Variants in CERS3 observed in about 807,000 individuals in gnomAD.
CERS3 encodes the protein LAG1 homolog, ceramide synthase 3.
Under a neutral mutation model 50.3 loss-of-function variants are expected in CERS3, and 33 were observed. The observed-to-expected ratio is 0.66, with a 90% confidence interval of 0.50 to 0.88. The LOEUF (loss-of-function observed/expected upper bound fraction) is 0.88. Ranked by LOEUF, CERS3 falls within the 40% of genes least tolerant of loss-of-function variation. The pLI, the probability that CERS3 is intolerant of heterozygous loss-of-function variation, is 0.00. For synonymous variants in CERS3, 176 were observed against 155.2 expected (o/e 1.13, Z -0.99); for missense variants, 470 against 460.3 (o/e 1.02, Z -0.19).
intron 11 of CERS3, among the ~76,000 whole-genome samples, chr15:100,417,835 C>A (rs924865641): frequency 5.3e-5 from 8 of 151,836 alleles, no homozygotes; most frequent in South Asian, 2.1e-4. Context: ...ACACCTCACA[C>A]AGCAGGGTAT....
At chr15:100,432,835 C>G (rs1023261751) in intron 11 of CERS3, among the ~76,000 whole-genome samples, 1 of 152,188 alleles carries the variant, frequency 6.6e-6, no homozygotes, top group Non-Finnish European at 1.5e-5. Flanking sequence ...GGCTTGATGA[C>G]TGGTATCTGA....
At chr15:100,447,406 T>C (rs1219665618) in intron 11 of CERS3, among the ~76,000 whole-genome samples, 1 of 152,214 alleles carries the variant, frequency 6.6e-6, no homozygotes, top group Non-Finnish European at 1.5e-5. Flanking sequence ...AATGTACATC[T>C]TACATGCATT....
chr15:100,410,252 T>C (rs2031375258), intron 11 of CERS3, among the ~76,000 whole-genome samples: 1 of 152,182 alleles, frequency 6.6e-6, no homozygotes, highest in Admixed American at 6.5e-5. Context: ...CCTAGCTTAA[T>C]AGTGACCCGT....
rs112749627 is a variant in CERS3 at position 100,535,836 on chromosome 15, C to T, written c.-354-6761G>A. ...CACGGGAAGTGGGGACATCCCTATG[C>T]TCATATGTGCACGGGAAGTGGGGAC... On this transcript the variant is annotated intron_variant, in intron 1 of 12. Coordinates refer to the CERS3 transcript ENST00000284382. Among the ~76,000 whole-genome samples, 66 of 69,836 alleles carry T rather than the reference C, an allele frequency of 9.5e-4. 2 individuals carry two copies. The highest frequency in any genetic ancestry group is 2.0e-3 in the South Asian group (3 of 1,524). 45.8% of individuals were successfully genotyped at this position (69,836 alleles called of 152,430 possible).
At chr15:100,423,577 C>G (rs1382753148) in intron 11 of CERS3, among the ~76,000 whole-genome samples, 1 of 152,022 alleles carries the variant, frequency 6.6e-6, no homozygotes, top group Non-Finnish European at 1.5e-5. Flanking sequence ...AAGAGGGGTA[C>G]AACAGACACT....
At chr15:100,497,250 C>CAT (rs2035843070) in intron 3 of CERS3, among the ~76,000 whole-genome samples, 1 of 150,370 alleles carries the variant, frequency 6.7e-6, no homozygotes, top group African/African-American at 2.5e-5. Flanking sequence ...CTTATATAGA[C>CAT]ATATATATAG....
intron 4 of CERS3, among the ~76,000 whole-genome samples, chr15:100,484,924 C>G (rs1297374870): frequency 6.6e-6 from 1 of 152,168 alleles, no homozygotes; most frequent in Non-Finnish European, 1.5e-5. Context: ...TGGCAGCAAC[C>G]CGGCATTCAA....
intron 11 of CERS3, among the ~76,000 whole-genome samples, chr15:100,455,622 A>C (rs1301938482): frequency 6.6e-6 from 1 of 152,180 alleles, no homozygotes; most frequent in Non-Finnish European, 1.5e-5. Context: ...GCATAAAAAC[A>C]AGCAGCAATT....
chr15:100,452,084 T>C (rs1355345951), intron 11 of CERS3, among the ~76,000 whole-genome samples: 5 of 152,052 alleles, frequency 3.3e-5, no homozygotes, highest in Admixed American at 3.3e-4. Flanking sequence ...GGAATATTTA[T>C]AAAGAAACAT....
rs907005550 is a variant in CERS3, at chr15:100,535,072, G to T, written c.-354-5997C>A. ...ACCAAGCTGTGCCCCTACCACCTTG[G>T]GCACATGTCTTCAGGACCTCCTGAG... is the stretch of plus-strand genomic sequence containing the variant. On this transcript the variant is annotated intron_variant, in intron 1 of 12. Transcript: ENST00000284382. 2.4e-4 allele frequency among the ~76,000 whole-genome samples: 37 copies of T among 152,190 alleles called. 1 individual carries two copies. Among genetic ancestry groups the T allele is most frequent in the African/African-American group, 8.9e-4 (37 of 41,516 alleles).
intron 6 of CERS3, 161 bp from the exon 7 acceptor site, chr15:100,479,639 C>T (rs915792556): frequency 3.1e-5 from 19 of 607,168 alleles, no homozygotes; most frequent in African/African-American, 5.6e-5. Flanking sequence ...TTCTATTGCA[C>T]GTATTTCTCC....
At chr15:100,490,622 T>C (rs2035621566) in intron 4 of CERS3, 195 bp downstream of exon 4, 1 of 488,090 alleles carries the variant, frequency 2.0e-6, no homozygotes, top group Non-Finnish European at 3.6e-6. Context: ...TATTTGTTAT[T>C]TTATATTATC....
intron 2 of CERS3, among the ~76,000 whole-genome samples, chr15:100,505,029 C>CT (rs1335557686): frequency 6.6e-6 from 1 of 152,190 alleles, no homozygotes; most frequent in Admixed American, 6.5e-5. Context: ...ATGGACAAAG[C>CT]TTGTGCCAGG....
intron 5 of CERS3, among the ~76,000 whole-genome samples, chr15:100,483,364 C>T (rs2035373911): frequency 6.6e-6 from 1 of 152,166 alleles, no homozygotes; most frequent in Non-Finnish European, 1.5e-5. Flanking sequence ...ACATGTTACC[C>T]CCTTCTTAAA....
intron 11 of CERS3, among the ~76,000 whole-genome samples, chr15:100,411,112 T>G (rs2031450706): frequency 6.6e-6 from 1 of 152,214 alleles, no homozygotes; most frequent in African/African-American, 2.4e-5. Flanking sequence ...CATAATGTCC[T>G]CAAGTTTCAT....
At chr15:100,465,596 A>G (rs1208298603) in intron 10 of CERS3, among the ~76,000 whole-genome samples, 5 of 151,984 alleles carry the variant, frequency 3.3e-5, no homozygotes, top group Non-Finnish European at 7.4e-5. Flanking sequence ...CCAAACAATG[A>G]GAATCAGTCA....
chr15:100,430,140 G>C (rs1470427002), intron 11 of CERS3, among the ~76,000 whole-genome samples: 1 of 151,846 alleles, frequency 6.6e-6, no homozygotes, highest in Non-Finnish European at 1.5e-5. Context: ...GTGGAACCCT[G>C]TCTCTACTAA....
At chr15:100,501,642 G>A in intron 3 of CERS3, 35 bp downstream of exon 3, 2 of 1,537,528 alleles carry the variant, frequency 1.3e-6, no homozygotes, top group South Asian at 2.3e-5. Context: ...GAGCAAAGAG[G>A]GGGAATGGGA....
At chr15:100,490,605 C>T (rs536664370) in intron 4 of CERS3, among the ~76,000 whole-genome samples, 4 of 152,270 alleles carry the variant, frequency 2.6e-5, no homozygotes, top group South Asian at 2.1e-4. Context: ...AATAGTTCAA[C>T]TGTTAATATT....
Sources: allele counts gnomAD v4.1 joint callset (sites outside exome capture counted in the v4.1 genomes callset), GRCh38; gene constraint gnomAD v4.1.1; transcripts MANE v1.5; gene names NCBI Gene and HGNC (gene_info 2026-07-23, HGNC 2026-07-21).